LOC400499: variants seen among roughly 807,000 people sequenced by gnomAD.
the LOC400499 span, among the ~76,000 whole-genome samples, chr16:11,425,998 A>C: frequency 6.6e-6 from 1 of 152,240 alleles, no homozygotes; most frequent in Non-Finnish European, 1.5e-5. Context: ...AAAGAAAAAA[A>C]TGCAGGGAAT....
the LOC400499 span, among the ~76,000 whole-genome samples, chr16:11,506,971 C>A: frequency 6.6e-6 from 1 of 152,218 alleles, no homozygotes; most frequent in Non-Finnish European, 1.5e-5. Flanking sequence ...GCCCAGGGGA[C>A]CTCCACGGTG....
At chr16:11,472,615 C>G in the LOC400499 span, 1 of 152,214 alleles carries the variant, frequency 6.6e-6, no homozygotes. Context: ...GGACAAATTA[C>G]TTAACCTCTC....
the LOC400499 span, among the ~76,000 whole-genome samples, chr16:11,406,162 C>T: frequency 6.6e-6 from 1 of 152,210 alleles, no homozygotes; most frequent in Non-Finnish European, 1.5e-5. Context: ...CAACCCTTGG[C>T]TCCCTCTCAC....
chr16:11,392,122 G>A, the LOC400499 span: 1 of 399,166 alleles, frequency 2.5e-6, no homozygotes. Context: ...CAGAGGAAGA[G>A]GCTGGGGCCT....
At chr16:11,450,303 T>A in the LOC400499 span, among the ~76,000 whole-genome samples, 1 of 152,268 alleles carries the variant, frequency 6.6e-6, no homozygotes, top group Non-Finnish European at 1.5e-5. Flanking sequence ...ACTCTGTTTT[T>A]TTGGCAAAAG....
the LOC400499 span, chr16:11,516,229 C>T: frequency 3.9e-3 from 1,568 of 399,794 alleles, 26 homozygotes; most frequent in African/African-American, 0.029. Flanking sequence ...CCCAGCGTGG[C>T]TCAGTGGGAT....
At chr16:11,417,810 G>A in the LOC400499 span, 92 of 398,780 alleles carry the variant, frequency 2.3e-4, no homozygotes, top group Non-Finnish European at 3.6e-4. Flanking sequence ...GCTCGAAGCC[G>A]GAGCTGCCAT....
At chr16:11,521,948 T>A in the LOC400499 span, 1 of 399,150 alleles carries the variant, frequency 2.5e-6, no homozygotes, top group Non-Finnish European at 4.4e-6. Flanking sequence ...CCAAAGACAC[T>A]CACCCATAAA....
the LOC400499 span, chr16:11,384,920 A>C: frequency 1.6e-5 from 20 of 1,232,038 alleles, no homozygotes; most frequent in African/African-American, 3.0e-4. Context: ...CAGGCTGCAG[A>C]GGCCGGTGGG....
the LOC400499 span, among the ~76,000 whole-genome samples, chr16:11,441,721 G>A: frequency 3.4e-4 from 52 of 152,274 alleles, no homozygotes; most frequent in African/African-American, 1.2e-3. Context: ...AAGATGCCAC[G>A]CTGTTGGCTT....
chr16:11,401,723 C>T, the LOC400499 span, among the ~76,000 whole-genome samples: 1 of 152,220 alleles, frequency 6.6e-6, no homozygotes, highest in African/African-American at 2.4e-5. Context: ...TCAATTTCGT[C>T]ATCTGAACAC....
the LOC400499 span, chr16:11,385,134 C>T: frequency 1.6e-6 from 2 of 1,230,770 alleles, no homozygotes; most frequent in Non-Finnish European, 2.0e-6. Context: ...AAGTGCCATC[C>T]CCCCAGGCGA....
chr16:11,522,883 G>A, the LOC400499 span, among the ~76,000 whole-genome samples: 2 of 152,120 alleles, frequency 1.3e-5, no homozygotes, highest in Non-Finnish European at 2.9e-5. Flanking sequence ...GCTGATTTAG[G>A]GAACAGAGAG....
chr16:11,395,914 C>G, the LOC400499 span, among the ~76,000 whole-genome samples: 1 of 152,088 alleles, frequency 6.6e-6, no homozygotes, highest in African/African-American at 2.4e-5. Flanking sequence ...GAAACACATG[C>G]TCAGAGAGGT....
chr16:11,392,138 G>C, the LOC400499 span: 12 of 399,042 alleles, frequency 3.0e-5, no homozygotes, highest in Non-Finnish European at 4.4e-5. Context: ...GGCCTCGCAG[G>C]AATGAAGTAG....
chr16:11,418,250 C>G, the LOC400499 span, among the ~76,000 whole-genome samples: 2,404 of 152,264 alleles, frequency 0.016, 57 homozygotes, highest in African/African-American at 0.055. Flanking sequence ...ACCAGAGCAA[C>G]TCCATCTTGA....
chr16:11,497,609 G>A, the LOC400499 span, among the ~76,000 whole-genome samples: 1 of 152,194 alleles, frequency 6.6e-6, no homozygotes, highest in Non-Finnish European at 1.5e-5. Flanking sequence ...GGTGCCACTT[G>A]GCTGGCAGAG....
chr16:11,496,921 TG>T, the LOC400499 span, among the ~76,000 whole-genome samples: 1 of 149,030 alleles, frequency 6.7e-6, no homozygotes, highest in Non-Finnish European at 1.5e-5. Flanking sequence ...TGTGTGTGTG[TG>T]TGTGTGTGTG....
chr16:11,428,492 A>G, the LOC400499 span, among the ~76,000 whole-genome samples: 1 of 151,970 alleles, frequency 6.6e-6, no homozygotes, highest in African/African-American at 2.4e-5. Context: ...CCCTTTTTAG[A>G]CCATATGACG....
Sources: allele counts gnomAD v4.1 joint callset (sites outside exome capture counted in the v4.1 genomes callset), GRCh38; gene constraint gnomAD v4.1.1; transcripts MANE v1.5.